DOK7: variants seen among roughly 807,000 people sequenced by gnomAD.
DOK7 encodes the protein docking protein 7.
In DOK7, 32 loss-of-function variants were observed where a neutral mutation model predicts 30.7. That is an observed-to-expected ratio of 1.04 (90% CI 0.79 to 1.40). DOK7 has a LOEUF of 1.40. Ranked by LOEUF, DOK7 falls within the 40% of genes most tolerant of loss-of-function variation. The probability of loss-of-function intolerance (pLI) is 0.00; values close to 1 mark genes in which losing one functional copy is unlikely to be tolerated. For synonymous variants in DOK7, 447 were observed against 324.1 expected, an observed-to-expected ratio of 1.38 and a Z score of -4.07; for missense variants, 1,007 against 699.2, an observed-to-expected ratio of 1.44 and a Z score of -4.97.
rs1002123952 is a variant in DOK7, at chr4:3,494,160, G to A, written c.*659G>A. The A allele has an allele frequency of 1.2e-5, 12 of 985,470 alleles. No homozygotes were observed. The highest frequency in any genetic ancestry group is 6.1e-5 in the Admixed American group (1 of 16,280). The allele number at this position is 985,470 out of a possible 1,614,324, so 61.0% of individuals were successfully genotyped here. On this transcript the variant is annotated 3_prime_UTR_variant, in exon 7 of 7. Coordinates refer to ENST00000340083, the MANE Select transcript of DOK7 (RefSeq NM_173660.5). ...CAGGTGGTGTCCTCAGAGCAGCCTC[G>A]CCTGCTGACCCCACTGGGAGAGGCG...
chr4:3,475,513 C>T (rs1324540839), intron 3 of DOK7, among the ~76,000 whole-genome samples: 1 of 152,224 alleles, frequency 6.6e-6, no homozygotes, highest in African/African-American at 2.4e-5. Context: ...GTGGGGACAG[C>T]ATTCAGGACC....
intron 2 of DOK7, among the ~76,000 whole-genome samples, chr4:3,468,977 T>G (rs1726557984): frequency 6.6e-6 from 1 of 150,704 alleles, no homozygotes. Context: ...TGAGTGTACG[T>G]GTGCCTGTGT....
At chr4:3,495,750 T>C (rs1728871222), downstream of DOK7, among the ~76,000 whole-genome samples, 1 of 152,056 alleles carries the variant, frequency 6.6e-6, no homozygotes, top group Non-Finnish European at 1.5e-5. Flanking sequence ...GGGTGGACCT[T>C]CGCTGGTTCG....
intron 4 of DOK7, among the ~76,000 whole-genome samples, 195 bp downstream of exon 4, chr4:3,476,737 T>A (rs1317127644): frequency 6.6e-6 from 1 of 152,130 alleles, no homozygotes; most frequent in African/African-American, 2.4e-5. Context: ...GTGTGGAGTG[T>A]CGAGGAGGGG....
At chr4:3,492,369 C>T (rs34595589) in intron 6 of DOK7, among the ~76,000 whole-genome samples, 26,032 of 147,856 alleles carry the variant, frequency 0.18, 3,021 homozygotes, top group East Asian at 0.51. Context: ...CGTGATGGTG[C>T]GGAGGGCAAG....
At position 3,493,449 on chromosome 4, in the gene DOK7, T is replaced by C; in HGVS notation, c.1463T>C (p.Phe488Ser). 6.2e-7 allele frequency: 1 copy of C among 1,609,628 alleles called. No homozygotes were observed. ...CCCCACGCGGGGCCACCCCCGGCTT[T>C]CTTTTCGGCATGTCCAGTCTGTGGA... ...GGPHAGPPPA[F>S]FSACPVCGGL... The change falls in exon 7 of 7, where the codon TTC (phenylalanine) becomes TCC (serine). Residue 488 changes from phenylalanine (F) to serine (S), a missense_variant. By Grantham distance (155) the Phe-to-Ser change is radical (BLOSUM62 -2). Transcript: ENST00000340083.
Position 3,473,570 on chromosome 4 carries a change from C to G in DOK7, c.265C>G (p.Leu89Val). ...TGTCTGCCTGTCCCAGGCCATCATG[C>G]TGGGCTTTGACAGCCACGAGGCCAT... ...AIVCLSQAIM[L>V]GFDSHEAMCA... The change falls in exon 3 of 7, where the codon CTG becomes GTG. Residue 89 changes from leucine to valine, a missense_variant. Coordinates refer to ENST00000340083, the MANE Select transcript of DOK7 (RefSeq NM_173660.5). 3 of 1,609,860 alleles carry G rather than the reference C, an allele frequency of 1.9e-6. No individual in the cohort carries two copies. Among genetic ancestry groups the G allele is most frequent in the Non-Finnish European group, 2.5e-6 (3 of 1,178,814 alleles).
In DOK7 at chr4:3,463,370, C is replaced by G. The variant is rs191800156; in HGVS notation, c.-6C>G. 0.025 allele frequency: 36,527 copies of G among 1,487,404 alleles called. 527 individuals carry two copies. The highest frequency in any genetic ancestry group is 0.029 in the Non-Finnish European group (32,872 of 1,132,760). The allele number at this position is 1,487,404 out of a possible 1,614,324, so 92.1% of individuals were successfully genotyped here. A position where few individuals can be genotyped will look rare whatever the true frequency, so the allele number is the denominator to read the frequency against. ...CGAGCGCGGCGGCGCGGAACCATGACAGAAGATGACCGAGGCGGCGCTGGT... is the reference window on the plus strand; with the variant it reads ...CGAGCGCGGCGGCGCGGAACCATGAGAGAAGATGACCGAGGCGGCGCTGGT... On this transcript the variant is annotated 5_prime_UTR_variant, in exon 1 of 7. Coordinates refer to ENST00000340083, the MANE Select transcript of DOK7 (RefSeq NM_173660.5).
exon 8 of DOK7, chr4:3,500,706 C>G: frequency 2.0e-6 from 3 of 1,535,834 alleles, no homozygotes; most frequent in South Asian, 1.2e-5. Flanking sequence ...TGGCGCCTCC[C>G]TCTACGCCCA....
intron 5 of DOK7, among the ~76,000 whole-genome samples, chr4:3,487,830 T>G (rs925754528): frequency 1.3e-5 from 2 of 152,176 alleles, no homozygotes; most frequent in African/African-American, 4.8e-5. Context: ...GCTTTGAGGG[T>G]GGCCCTGGTC....
At chr4:3,473,332 C>A in intron 2 of DOK7, 74 bp from the exon 3 acceptor site, 1 of 1,476,016 alleles carries the variant, frequency 6.8e-7, no homozygotes, top group African/African-American at 1.4e-5. Context: ...TGCACTGTCA[C>A]GGCCTCCCCG....
chr4:3,471,051 G>A (rs1399271122), intron 2 of DOK7, among the ~76,000 whole-genome samples: 2 of 152,244 alleles, frequency 1.3e-5, no homozygotes, highest in East Asian at 1.9e-4. Context: ...GAGGTGGAAG[G>A]TGGTGGATGG....
chr4:3,495,790 G>GCC (rs58331218), downstream of DOK7, among the ~76,000 whole-genome samples: 30 of 151,860 alleles, frequency 2.0e-4, no homozygotes, highest in East Asian at 7.9e-4. Context: ...CTACCCGCCT[G>GCC]CCCCCACCGG....
At chr4:3,463,450 C>CGGGGGGGGGGGGGCGGGGGGGGGGGGGG in intron 1 of DOK7, 21 bp downstream of exon 1, 1 of 1,229,784 alleles carries the variant, frequency 8.1e-7, no homozygotes, top group South Asian at 1.8e-5. Context: ...GTCGGGGGCG[C>CGGGGGGGGGGGGGCGGGGGGGGGGGGGG]GGGGGGGGGG....
At chr4:3,468,829 GTGTGTGTGCGTGTA>G (rs1280968709) in intron 2 of DOK7, among the ~76,000 whole-genome samples, 2 of 149,386 alleles carry the variant, frequency 1.3e-5, no homozygotes, top group Non-Finnish European at 3.0e-5. Flanking sequence ...TGCATGGAGT[GTGTGTGTGCGTGTA>G]TGTGTGTGCG....
At chr4:3,500,749 G>A (rs1476306944) in exon 8 of DOK7, 3 of 1,535,244 alleles carry the variant, frequency 2.0e-6, no homozygotes, top group Non-Finnish European at 1.7e-6. Context: ...ACGGCGCACA[G>A]AGTGGGGGTG....
chr4:3,487,929 C>G (rs1385555224), intron 5 of DOK7, among the ~76,000 whole-genome samples: 2 of 152,230 alleles, frequency 1.3e-5, no homozygotes, highest in Non-Finnish European at 2.9e-5. Context: ...GGAGCCAGGA[C>G]TGGTGCCTGC....
Position 3,472,484 on chromosome 4 carries a change from A to T in DOK7, c.101-922A>T, listed in dbSNP as rs143757787. Among the ~76,000 whole-genome samples, 645 of 152,218 alleles carry T rather than the reference A, an allele frequency of 4.2e-3. 7 individuals carry two copies. Among genetic ancestry groups the T allele is most frequent in the African/African-American group, 0.015 (608 of 41,526 alleles). ...CAGCTGCCGGGGCCTAGGTGGGAGG[A>T]GGCCTGGTCATCAAGCCTGGAGCCA... On this transcript the variant is annotated intron_variant, in intron 2 of 6. Coordinates refer to ENST00000340083, the MANE Select transcript of DOK7 (RefSeq NM_173660.5).
At chr4:3,496,742 C>T (rs1728931880), downstream of DOK7, 1 of 1,493,748 alleles carries the variant, frequency 6.7e-7, no homozygotes, top group Admixed American at 2.1e-5. Flanking sequence ...GGGTAGTGTC[C>T]TTGTTCTCGG....
Sources: allele counts gnomAD v4.1 joint callset (sites outside exome capture counted in the v4.1 genomes callset), GRCh38; gene constraint gnomAD v4.1.1; transcripts MANE v1.5; gene names NCBI Gene and HGNC (gene_info 2026-07-23, HGNC 2026-07-21).